Variants in PCDHGB4 observed in about 807,000 individuals in gnomAD.
PCDHGB4 encodes protocadherin gamma subfamily B, 4.
PCDHGB4 carries 38 observed loss-of-function variants against 60.5 expected under a neutral mutation model. That is an observed-to-expected ratio of 0.63 (90% CI 0.48 to 0.82). The LOEUF is 0.82. Ranked by LOEUF, PCDHGB4 falls within the 40% of genes least tolerant of loss-of-function variation. The pLI, the probability that PCDHGB4 is intolerant of heterozygous loss-of-function variation, is 0.00. For missense variants in PCDHGB4, 1,109 were observed against 1,209.6 expected, an observed-to-expected ratio of 0.92 and a Z score of 1.23; for synonymous variants, 456 against 509.7, an observed-to-expected ratio of 0.89 and a Z score of 1.42.
intron 1 of PCDHGB4, among the ~76,000 whole-genome samples, chr5:141,439,623 C>T (rs1219064055): frequency 6.6e-6 from 1 of 152,186 alleles, no homozygotes; most frequent in East Asian, 1.9e-4. Context: ...ATGAGCCAAT[C>T]CCCAGACATT....
At chr5:141,504,500 GAGTGGATCT>G (rs2099838791) in intron 2 of PCDHGB4, among the ~76,000 whole-genome samples, 1 of 152,072 alleles carries the variant, frequency 6.6e-6, no homozygotes, top group Non-Finnish European at 1.5e-5. Context: ...TGCCCAGTCT[GAGTGGATCT>G]CCTCTGATAT....
At chr5:141,399,174 T>C (rs2093763814) in intron 1 of PCDHGB4, 1 of 1,613,700 alleles carries the variant, frequency 6.2e-7, no homozygotes, top group Admixed American at 1.7e-5. Context: ...ATTCTCTACT[T>C]GAAATGATTC....
At chr5:141,403,390 G>A in intron 1 of PCDHGB4, 1 of 1,614,038 alleles carries the variant, frequency 6.2e-7, no homozygotes, top group Non-Finnish European at 8.5e-7. Context: ...ACGAAATCGC[G>A]GTTCCTGGAG....
rs371807105 is a variant in PCDHGB4 at position 141,476,586 on chromosome 5, A to G, written c.2398-18221A>G. ...GCTCCGGGGACGCGCTTTCCGCTCG[A>G]GAGCGCGCACGATCCCGATGTGGGA... is the stretch of plus-strand genomic sequence containing the variant. On this transcript the variant is annotated intron_variant, in intron 1 of 3. Coordinates refer to ENST00000519479, the MANE Select transcript of PCDHGB4 (RefSeq NM_003736.4). This position sits in a 1 kb window ranked among gnomAD's most constrained non-coding sequence, Gnocchi z 7.6. The G allele has an allele frequency of 6.2e-7, 1 of 1,614,222 alleles. No homozygotes were observed. The highest frequency in any genetic ancestry group is 8.5e-7 in the Non-Finnish European group (1 of 1,180,032).
At chr5:141,465,757 T>C (rs2099108578) in intron 1 of PCDHGB4, among the ~76,000 whole-genome samples, 1 of 152,046 alleles carries the variant, frequency 6.6e-6, no homozygotes, top group South Asian at 2.1e-4. Context: ...ACTGGTAAAG[T>C]CATGTTTCAT....
rs201857404 is a variant in PCDHGB4, at chr5:141,485,844, G to C, written c.2398-8963G>C. The C allele has an allele frequency of 1.1e-5, 18 of 1,613,772 alleles. No homozygotes were observed. The highest frequency in any genetic ancestry group is 1.4e-5 in the Non-Finnish European group (16 of 1,179,956). ...GATGGAGGGAACCCGCCGAGATCTG[G>C]CACCGCAGAGCTCCGGGTATCCGTG... is the stretch of plus-strand genomic sequence containing the variant. On this transcript the variant is annotated intron_variant, in intron 1 of 3. Transcript: ENST00000519479. This position sits in a 1 kb window ranked among gnomAD's most constrained non-coding sequence, Gnocchi z 5.7.
chr5:141,423,434 T>C, intron 1 of PCDHGB4: 1 of 1,614,036 alleles, frequency 6.2e-7, no homozygotes, highest in Non-Finnish European at 8.5e-7. Flanking sequence ...TTGGCAGGTA[T>C]GCCCACGTCA....
At chr5:141,400,796 A>G (rs2094076929) in intron 1 of PCDHGB4, 1 of 559,742 alleles carries the variant, frequency 1.8e-6, no homozygotes. Context: ...CCTCTTTCTC[A>G]AAGCTAATGA....
chr5:141,403,614 G>C (rs772617526), intron 1 of PCDHGB4: 1 of 1,613,860 alleles, frequency 6.2e-7, no homozygotes, highest in Admixed American at 1.7e-5. Context: ...GGCGAGCCGC[G>C]TCGCTCCAGC....
At chr5:141,399,309 C>G (rs2093783867) in intron 1 of PCDHGB4, 1 of 1,613,902 alleles carries the variant, frequency 6.2e-7, no homozygotes, top group Non-Finnish European at 8.5e-7. Context: ...TCTCTTCATC[C>G]AAAAATTCGT....
At chr5:141,444,578 C>G (rs1030770037) in intron 1 of PCDHGB4, among the ~76,000 whole-genome samples, 1 of 152,134 alleles carries the variant, frequency 6.6e-6, no homozygotes, top group Non-Finnish European at 1.5e-5. Context: ...TTGACTCTTC[C>G]TTTCTACTTA....
At chr5:141,466,709 T>C (rs2099127779) in intron 1 of PCDHGB4, among the ~76,000 whole-genome samples, 1 of 152,212 alleles carries the variant, frequency 6.6e-6, no homozygotes, top group Non-Finnish European at 1.5e-5. Flanking sequence ...TGATGTCTGT[T>C]CTTGTTTCCA....
chr5:141,419,151 C>G, intron 1 of PCDHGB4: 3 of 1,613,918 alleles, frequency 1.9e-6, no homozygotes, highest in Non-Finnish European at 1.7e-6. Flanking sequence ...GGCAAGCCTC[C>G]GTTATCCTCC....
At chr5:141,390,486 G>A (rs1348752991) in intron 1 of PCDHGB4, 3 of 649,258 alleles carry the variant, frequency 4.6e-6, no homozygotes, top group Non-Finnish European at 7.7e-6. Context: ...ACATTTGTTT[G>A]TTTTTTAGCC....
chr5:141,403,741 T>G, intron 1 of PCDHGB4: 1 of 1,613,906 alleles, frequency 6.2e-7, no homozygotes. Context: ...GGCTGCTTAC[T>G]GCAACAGCCA....
chr5:141,408,430 C>T, intron 1 of PCDHGB4: 2 of 1,614,012 alleles, frequency 1.2e-6, no homozygotes, highest in South Asian at 1.1e-5. Context: ...TGCACTTCAG[C>T]GTAGACGCGG....
intron 1 of PCDHGB4, chr5:141,419,244 C>T (rs2096349736): frequency 1.2e-6 from 2 of 1,614,008 alleles, no homozygotes; most frequent in Non-Finnish European, 1.7e-6. Context: ...GTCCACGTGC[C>T]AGAAAACAAC....
At chr5:141,400,316 A>C in intron 1 of PCDHGB4, 1 of 1,614,042 alleles carries the variant, frequency 6.2e-7, no homozygotes. Flanking sequence ...CTCTGTGTCA[A>C]GTCTGGACCT....
At chr5:141,421,257 C>T (rs944057868) in intron 1 of PCDHGB4, 1 of 1,608,520 alleles carries the variant, frequency 6.2e-7, no homozygotes, top group African/African-American at 1.3e-5. Context: ...GCGGGGACCG[C>T]AGTCGGCTGC....
Sources: allele counts gnomAD v4.1 joint callset (sites outside exome capture counted in the v4.1 genomes callset), GRCh38; gene constraint gnomAD v4.1.1; non-coding constraint Gnocchi (gnomAD v3.1); transcripts MANE v1.5; gene names NCBI Gene and HGNC (gene_info 2026-07-23, HGNC 2026-07-21).